KRT76: variants seen among roughly 807,000 people sequenced by gnomAD.
The protein encoded by KRT76 is keratin 76.
Under a neutral mutation model 44.9 loss-of-function variants are expected in KRT76, and 47 were observed. The ratio of observed to expected loss-of-function variants is 1.05; its 90% CI spans 0.83 to 1.33. The LOEUF is 1.33. KRT76 is among the 40% of genes most tolerant of loss of function. The pLI is 0.00. For missense variants in KRT76, 860 were observed against 775.8 expected, an observed-to-expected ratio of 1.11 and a Z score of -1.29; for synonymous variants, 331 against 294.1, an observed-to-expected ratio of 1.13 and a Z score of -1.28.
intron 1 of KRT76, 88 bp downstream of exon 1, chr12:52,776,604 C>T (rs981917343): frequency 1.2e-6 from 2 of 1,603,360 alleles, no homozygotes; most frequent in Non-Finnish European, 1.7e-6. Context: ...CGCCCCTGCC[C>T]TGTGTCTCAC....
rs1247569635 is a variant in KRT76, at chr12:52,769,536, A to G, written c.1519+13T>C. 15 of 1,612,464 alleles carry G rather than the reference A, an allele frequency of 9.3e-6. No individual in the cohort carries two copies. The highest frequency in any genetic ancestry group is 5.3e-5 in the African/African-American group (4 of 74,870). ...ACAACCCAGGGAGAGGGTTTTTTGAATGGGCTACTTACAAATGCACACGGC... is the reference window on the plus strand; with the variant it reads ...ACAACCCAGGGAGAGGGTTTTTTGAGTGGGCTACTTACAAATGCACACGGC... On this transcript the variant is annotated intron_variant, in intron 8 of 8. Transcript: ENST00000332411.
intron 6 of KRT76, 64 bp from the exon 7 acceptor site, chr12:52,771,283 G>A: frequency 6.8e-7 from 1 of 1,464,326 alleles, no homozygotes; most frequent in Non-Finnish European, 9.5e-7. Context: ...ACTAGGAGTA[G>A]ATCTCTTCCC....
Position 52,772,382 on chromosome 12 carries a change from A to G in KRT76, c.973-124T>C, listed in dbSNP as rs1592294026. The G allele has an allele frequency of 3.3e-6, 3 of 916,660 alleles. 1 individual carries two copies. The highest frequency in any genetic ancestry group is 4.5e-4 in the Middle Eastern group (2 of 4,478). 56.8% of individuals were successfully genotyped at this position (916,660 alleles called of 1,614,324 possible). A position where few individuals can be genotyped will look rare whatever the true frequency, so the allele number is the denominator to read the frequency against. On this transcript the variant is annotated intron_variant, in intron 4 of 8. Coordinates refer to ENST00000332411, the MANE Select transcript of KRT76 (RefSeq NM_015848.4). ...GGATCAGTTGGAAAAATAAGCTCAC[A>G]TTTTAGGCCTGGCTACAGCCTAAAG...
chr12:52,773,337 C>T (rs774057601), intron 3 of KRT76, among the ~76,000 whole-genome samples: 1 of 152,146 alleles, frequency 6.6e-6, no homozygotes, highest in Non-Finnish European at 1.5e-5. Flanking sequence ...ACATAAAGGG[C>T]TCATTATTAG....
rs60189307 is a variant in KRT76 at position 52,770,485 on chromosome 12, G to T, written c.1484+514C>A. Among the ~76,000 whole-genome samples the T allele has an allele frequency of 1.8e-3, 273 of 152,298 alleles. 1 individual carries two copies. Among genetic ancestry groups the T allele is most frequent in the African/African-American group, 6.0e-3 (250 of 41,562 alleles). On this transcript the variant is annotated intron_variant, in intron 7 of 8. Coordinates refer to ENST00000332411, the MANE Select transcript of KRT76 (RefSeq NM_015848.4). ...GATGTATCAACCGTCTCCCCATATG[G>T]ACTCAGCTTCAGGGGTGGAGCTTGT...
Position 52,771,125 on chromosome 12 carries a change from G to A in KRT76, c.1358C>T (p.Ala453Val), listed in dbSNP as rs373209454. 1.9e-6 allele frequency: 3 copies of A among 1,614,046 alleles called. No individual in the cohort carries two copies. The highest frequency in any genetic ancestry group is 1.1e-5 in the South Asian group (1 of 91,086). ...CAGGTCATCCTTAGCCTTCTGTAGG[G>A]CAGTCTGCAAGTCTTGGAGCTTGGC... ...ANAKLQDLQTALQKAKDDLAR... is the reference protein window; with the variant it reads ...ANAKLQDLQTVLQKAKDDLAR... The change falls in exon 7 of 9, where the codon GCC becomes GTC. Residue 453 changes from alanine to valine, a missense_variant. Physicochemically the swap from Ala to Val is moderately conservative, Grantham distance 64 (BLOSUM62 0). Coordinates refer to ENST00000332411, the MANE Select transcript of KRT76 (RefSeq NM_015848.4).
rs1042625698 is a variant in KRT76 at position 52,776,698 on chromosome 12, G to A, written c.594C>T (p.Ile198=). 5.0e-6 allele frequency: 8 copies of A among 1,613,952 alleles called. No individual in the cohort carries two copies. Among genetic ancestry groups the A allele is most frequent in the South Asian group, 1.1e-5 (1 of 91,078 alleles). The change falls in exon 1 of 9, where the codon ATC becomes ATT. Residue 198 remains isoleucine (I), a synonymous_variant. Transcript: ENST00000332411. ...KTLNNKFASF[I]DKVRFLEQQN... is the part of the protein sequence containing the mutation. ...CTCTTGGCCTTGCCCTCACCTTGTC[G>A]ATGAAGGAGGCAAACTTGTTGTTGA...
intron 2 of KRT76, 129 bp downstream of exon 2, chr12:52,775,259 G>T: frequency 1.2e-6 from 1 of 813,820 alleles, no homozygotes; most frequent in Non-Finnish European, 2.0e-6. Context: ...GCTTTGTCAT[G>T]TTTCACTCAA....
At position 52,772,870 on chromosome 12, in the gene KRT76, A is replaced by T. The variant is rs914972131; in HGVS notation, c.885T>A (p.Asp295Glu). 3.1e-6 allele frequency: 5 copies of T among 1,613,694 alleles called. No individual in the cohort carries two copies. The highest frequency in any genetic ancestry group is 4.2e-6 in the Non-Finnish European group (5 of 1,179,712). Residue 295 changes from aspartate (D) to glutamate (E), a missense_variant, in exon 4 of 9, where the codon GAT (aspartate) becomes GAA (glutamate). Coordinates refer to ENST00000332411, the MANE Select transcript of KRT76 (RefSeq NM_015848.4). ...NEFVGLKKDV[D>E]AAFMNKVELQ... is the part of the protein sequence containing the mutation. ...GCTCCACCTTGTTCATGAAAGCCGC[A>T]TCCACATCCTGCAGAGGAGGTCAGA...
rs781209244 is a variant in KRT76 at position 52,775,531 on chromosome 12, G to C, written c.672C>G (p.Gly224=). The C allele has an allele frequency of 1.2e-6, 2 of 1,614,160 alleles. No homozygotes were observed. The highest frequency in any genetic ancestry group is 2.2e-5 in the South Asian group (2 of 91,080). Residue 224 remains glycine, a synonymous_variant, in exon 2 of 9, where the codon GGC becomes GGG. Coordinates refer to ENST00000332411, the MANE Select transcript of KRT76 (RefSeq NM_015848.4). The stretch of plus-strand genomic sequence containing the variant: ...AAGGCTCCAGGCTGCTGGGCCCTGA[G>C]CCTGTGGTCTGCTGCTGGAGCAGTT... ...KWELLQQQTT[G]SGPSSLEPCF...
Position 52,776,993 on chromosome 12 carries a change from C to T in KRT76, c.299G>A (p.Gly100Asp), listed in dbSNP as rs1438036308. The change falls in exon 1 of 9, where the codon GGC becomes GAC. Residue 100 changes from glycine (G) to aspartate (D), a missense_variant. Physicochemically the swap from Gly to Asp is moderately conservative, Grantham distance 94. Transcript: ENST00000332411. ...ACCACCAAAGCCACCACCATAGCTG[C>T]CCCCAAAGCCACCTCCATAGCCACC... The part of the protein sequence containing the change: ...FAGGYGGGFG[G>D]SYGGGFGGGR... 2.5e-6 allele frequency: 4 copies of T among 1,613,996 alleles called. No homozygotes were observed. The highest frequency in any genetic ancestry group is 1.7e-5 in the Admixed American group (1 of 60,026).
Position 52,768,994 on chromosome 12 carries a change from T to A in KRT76, c.1636A>T (p.Ser546Cys). Residue 546 changes from serine to cysteine, a missense_variant, in exon 9 of 9, where the codon AGC (serine) becomes TGC (cysteine). Transcript: ENST00000332411. ...CCGCCACTGACTCCATAGCCACTGCTGCTGCTGCTGCTGCTGCCGCCTTTG... is the reference window on the plus strand; with the variant it reads ...CCGCCACTGACTCCATAGCCACTGCAGCTGCTGCTGCTGCTGCCGCCTTTG... The part of the protein sequence containing the change: ...GYKGGSSSSS[S>C]SGYGVSGGSG... 5 of 915,284 alleles carry A rather than the reference T, an allele frequency of 5.5e-6. No individual in the cohort carries two copies. Among genetic ancestry groups the A allele is most frequent in the Non-Finnish European group, 8.8e-6 (5 of 566,250 alleles). 56.7% of individuals were successfully genotyped at this position (915,284 alleles called of 1,614,324 possible). A position where few individuals can be genotyped will look rare whatever the true frequency, so the allele number is the denominator to read the frequency against.
Position 52,775,519 on chromosome 12 carries a change from G to C in KRT76, c.684C>G (p.Ser228Arg). The C allele has an allele frequency of 3.1e-6, 5 of 1,614,164 alleles. No homozygotes were observed. Among genetic ancestry groups the C allele is most frequent in the Non-Finnish European group, 4.2e-6 (5 of 1,180,030 alleles). Residue 228 changes from serine (S) to arginine (R), a missense_variant, in exon 2 of 9, where the codon AGC (serine) becomes AGG (arginine). By Grantham distance (110) the Ser-to-Arg change is moderately radical. Coordinates refer to ENST00000332411, the MANE Select transcript of KRT76 (RefSeq NM_015848.4). Reference protein sequence around the residue: ...LQQQTTGSGPSSLEPCFESYI... With the variant: ...LQQQTTGSGPRSLEPCFESYI... Reference sequence around the variant, plus strand: ...AGGATTCAAAACAAGGCTCCAGGCTGCTGGGCCCTGAGCCTGTGGTCTGCT... The same window carrying C: ...AGGATTCAAAACAAGGCTCCAGGCTCCTGGGCCCTGAGCCTGTGGTCTGCT...
Position 52,773,567 on chromosome 12 carries a change from T to C in KRT76, c.876+15A>G. ...CAGAAAGGAAACCTGGATATGCTGG[T>C]CCAGGCTCACCTACCTTCTTGAGCC... On this transcript the variant is annotated intron_variant, in intron 3 of 8. Transcript: ENST00000332411. 1 of 1,606,808 alleles carries C rather than the reference T, an allele frequency of 6.2e-7. No individual in the cohort carries two copies. Among genetic ancestry groups the C allele is most frequent in the East Asian group, 2.2e-5 (1 of 44,850 alleles).
At chr12:52,771,263 C>G (rs747499239) in intron 6 of KRT76, 44 bp from the exon 7 acceptor site, 1 of 1,577,526 alleles carries the variant, frequency 6.3e-7, no homozygotes, top group Non-Finnish European at 8.7e-7. Context: ...GAAACAAACA[C>G]TTGATCCTTA....
At chr12:52,775,649 T>C (rs1939251332) in intron 1 of KRT76, 47 bp from the exon 2 acceptor site, 4 of 1,486,476 alleles carry the variant, frequency 2.7e-6, no homozygotes, top group African/African-American at 2.8e-5. Flanking sequence ...GAGTTGGGCA[T>C]GTGGGGCTGC....
At chr12:52,772,705 C>T (rs1939204947) in intron 4 of KRT76, 78 bp downstream of exon 4, 5 of 1,002,014 alleles carry the variant, frequency 5.0e-6, no homozygotes, top group Non-Finnish European at 8.0e-6. Flanking sequence ...GAGTGTTGTG[C>T]TGTTTGGCTG....
intron 2 of KRT76, among the ~76,000 whole-genome samples, chr12:52,773,890 G>C (rs1330858385): frequency 6.6e-6 from 1 of 150,884 alleles, no homozygotes; most frequent in Non-Finnish European, 1.5e-5. Flanking sequence ...GGAGTGCAGT[G>C]GCACAAACAT....
chr12:52,769,190 C>T (rs1200945736), intron 8 of KRT76, 80 bp from the exon 9 acceptor site: 3 of 624,628 alleles, frequency 4.8e-6, no homozygotes, highest in Non-Finnish European at 8.8e-6. Context: ...CCCCACCCTG[C>T]TTGGCCATGT....
Sources: gnomAD v4.1 joint callset for allele counts (sites outside exome capture counted in the v4.1 genomes callset) on GRCh38, gnomAD v4.1.1 for gene constraint, MANE v1.5 for transcripts, NCBI Gene and HGNC (gene_info 2026-07-23, HGNC 2026-07-21) for gene names.